PRRX1: variants seen among roughly 807,000 people sequenced by gnomAD.
PRRX1 encodes the protein paired mesoderm homeobox protein 1.
PRRX1 carries 8 observed loss-of-function variants against 24.0 expected under a neutral mutation model. That is an observed-to-expected ratio of 0.33 (90% CI 0.20 to 0.60). The LOEUF is 0.60. Among genes scored for constraint, PRRX1 ranks in the 20% least tolerant of loss-of-function variants. The pLI is 0.82. For missense variants in PRRX1, 281 were observed against 322.4 expected (o/e 0.87, Z 0.98); for synonymous variants, 160 against 131.7 (o/e 1.22, Z -1.47).
intron 1 of PRRX1, among the ~76,000 whole-genome samples, chr1:170,690,409 G>A (rs1168477524): frequency 6.6e-6 from 1 of 152,090 alleles, no homozygotes; most frequent in Non-Finnish European, 1.5e-5. Context: ...TGGCAGATGA[G>A]TAGATATTCA....
intron 1 of PRRX1, among the ~76,000 whole-genome samples, chr1:170,697,501 T>C (rs575064310): frequency 1.7e-4 from 26 of 152,014 alleles, no homozygotes; most frequent in East Asian, 1.5e-3. Context: ...GGAAAAAGTC[T>C]TCATTATTGC....
At chr1:170,700,851 G>A (rs866291075) in intron 1 of PRRX1, among the ~76,000 whole-genome samples, 12 of 152,220 alleles carry the variant, frequency 7.9e-5, no homozygotes, top group East Asian at 3.9e-4. Flanking sequence ...TTCCCACTAC[G>A]GCTTCATCTT....
At chr1:170,700,303 C>T (rs967768491) in intron 1 of PRRX1, among the ~76,000 whole-genome samples, 23 of 152,114 alleles carry the variant, frequency 1.5e-4, no homozygotes, top group African/African-American at 4.8e-4. Flanking sequence ...AGTATAGAAC[C>T]GCTGATGAGT....
At chr1:170,663,993 C>T (rs1652815360), upstream of PRRX1, 1 of 527,162 alleles carries the variant, frequency 1.9e-6, no homozygotes, top group Admixed American at 3.2e-5. Context: ...CGGAAGGCGG[C>T]TGGTGCACAA....
chr1:170,671,424 C>T (rs1382450803), intron 1 of PRRX1, among the ~76,000 whole-genome samples: 6 of 152,228 alleles, frequency 3.9e-5, no homozygotes, highest in African/African-American at 1.4e-4. Context: ...ACCCCATCTT[C>T]GCAGTTCTCC....
chr1:170,729,882 A>G (rs1404409144), intron 3 of PRRX1, among the ~76,000 whole-genome samples: 1 of 152,216 alleles, frequency 6.6e-6, no homozygotes, highest in Non-Finnish European at 1.5e-5. Flanking sequence ...AACTTGTAAG[A>G]GTGAAAGCAC....
At chr1:170,709,647 G>GT (rs1389653043) in intron 1 of PRRX1, among the ~76,000 whole-genome samples, 1 of 152,084 alleles carries the variant, frequency 6.6e-6, no homozygotes, top group African/African-American at 2.4e-5. Context: ...CAGTTAGAAA[G>GT]TAAGTATCTT....
Position 170,737,775 on chromosome 1 carries a change from T to A in PRRX1, c.*1589T>A. Reference sequence around the variant, plus strand: ...TACATTACCATGCTGTGCCTCAGTTTACCCATTTGTAAAATGGGATTAATA... The same window carrying A: ...TACATTACCATGCTGTGCCTCAGTTAACCCATTTGTAAAATGGGATTAATA... On this transcript the variant is annotated 3_prime_UTR_variant, in exon 4 of 4. Coordinates refer to ENST00000239461, the MANE Select transcript of PRRX1 (RefSeq NM_022716.4). 9.1e-6 allele frequency: 2 copies of A among 220,636 alleles called. No individual in the cohort carries two copies. The highest frequency in any genetic ancestry group is 1.2e-4 in the Admixed American group (2 of 17,374). 13.7% of individuals were successfully genotyped at this position (220,636 alleles called of 1,614,324 possible). A position where few individuals can be genotyped will look rare whatever the true frequency, so the allele number is the denominator to read the frequency against.
intron 3 of PRRX1, chr1:170,726,605 A>C: frequency 3.4e-6 from 2 of 588,888 alleles, no homozygotes; most frequent in Non-Finnish European, 5.9e-6. Context: ...TGAGAGGGGC[A>C]GGCTATCTCA....
At position 170,713,951 on chromosome 1, in the gene PRRX1, C is replaced by T. The variant is rs144645897; in HGVS notation, c.242-5775C>T. On this transcript the variant is annotated intron_variant, in intron 1 of 3. Transcript: ENST00000239461. ...GGCAGAGATTTGTTCGCTCTTGATA[C>T]GTGCTGGGAGTCAATGATGGAGGAC... Among the ~76,000 whole-genome samples, 928 of 152,178 alleles carry T rather than the reference C, an allele frequency of 6.1e-3. 5 individuals are homozygous for T. Among genetic ancestry groups the T allele is most frequent in the African/African-American group, 0.021 (882 of 41,518 alleles).
At chr1:170,707,155 AT>A (rs35778633) in intron 1 of PRRX1, among the ~76,000 whole-genome samples, 3 of 151,966 alleles carry the variant, frequency 2.0e-5, no homozygotes, top group African/African-American at 7.3e-5. Context: ...GAAAAAAAAA[AT>A]ACCTGGATGT....
rs1002127060 is a variant in PRRX1 at position 170,664,462 on chromosome 1, G to C, written c.241+3G>C. 6.3e-7 allele frequency: 1 copy of C among 1,597,600 alleles called. No homozygotes were observed. Among genetic ancestry groups the C allele is most frequent in the Non-Finnish European group, 8.5e-7 (1 of 1,172,896 alleles). ...CAGCGACACCCCGCAGCAGGACAGT[G>C]AGTGAGGGGCGCATGCCCACGGGGG... On this transcript the variant is annotated splice_donor_region_variant and intron_variant, in intron 1 of 3. Coordinates refer to ENST00000239461, the MANE Select transcript of PRRX1 (RefSeq NM_022716.4).
chr1:170,697,748 A>G (rs1457313505), intron 1 of PRRX1, among the ~76,000 whole-genome samples: 2 of 147,604 alleles, frequency 1.4e-5, no homozygotes, highest in African/African-American at 4.9e-5. Context: ...ATAAATATAT[A>G]TACATATATA....
chr1:170,732,439 T>C (rs1316943091), intron 3 of PRRX1, among the ~76,000 whole-genome samples: 2 of 152,184 alleles, frequency 1.3e-5, no homozygotes, highest in African/African-American at 4.8e-5. Context: ...ATGACTAAGA[T>C]ACTCTTAGAG....
chr1:170,719,391 T>C (rs1359127034), intron 1 of PRRX1, among the ~76,000 whole-genome samples: 1 of 152,224 alleles, frequency 6.6e-6, no homozygotes, highest in African/African-American at 2.4e-5. Context: ...CTTCTTCCTT[T>C]ATCTCTAGAG....
chr1:170,725,915 G>A (rs1364774534), intron 2 of PRRX1, among the ~76,000 whole-genome samples: 6 of 152,134 alleles, frequency 3.9e-5, no homozygotes, highest in Non-Finnish European at 8.8e-5. Context: ...GATTACAATT[G>A]TAACAGGGAT....
chr1:170,712,388 G>A (rs1221519103), intron 1 of PRRX1, among the ~76,000 whole-genome samples: 1 of 152,000 alleles, frequency 6.6e-6, no homozygotes, highest in Admixed American at 6.6e-5. Context: ...CATTTTTCCA[G>A]TTTCCTAGTT....
intron 1 of PRRX1, among the ~76,000 whole-genome samples, chr1:170,699,169 T>A (rs1443561241): frequency 1.3e-5 from 2 of 152,218 alleles, no homozygotes; most frequent in Non-Finnish European, 2.9e-5. Flanking sequence ...AGCTTATTGT[T>A]AGTCACAGCT....
chr1:170,738,421 G>A lies in PRRX1; in HGVS notation c.*2235G>A, dbSNP rs1245005686. Reference sequence around the variant, plus strand: ...CACCAATTGATTCCTTCTTCTTTTAGCCCACTATTAAAACATTTCTTACTG... The same window carrying A: ...CACCAATTGATTCCTTCTTCTTTTAACCCACTATTAAAACATTTCTTACTG... On this transcript the variant is annotated 3_prime_UTR_variant, in exon 4 of 4. Transcript: ENST00000239461. 4.4e-6 allele frequency: 1 copy of A among 226,650 alleles called. No individual in the cohort carries two copies. Among genetic ancestry groups the A allele is most frequent in the Non-Finnish European group, 8.8e-6 (1 of 114,070 alleles). The allele number at this position is 226,650 out of a possible 1,614,324, so 14.0% of individuals were successfully genotyped here.
Sources: allele counts gnomAD v4.1 joint callset (sites outside exome capture counted in the v4.1 genomes callset), GRCh38; gene constraint gnomAD v4.1.1; transcripts MANE v1.5; gene names NCBI Gene and HGNC (gene_info 2026-07-23, HGNC 2026-07-21).